SLC5A11: variants seen among roughly 807,000 people sequenced by gnomAD.
SLC5A11 encodes solute carrier family 5 member 11.
SLC5A11 carries 48 observed loss-of-function variants against 69.8 expected under a neutral mutation model. The ratio of observed to expected loss-of-function variants is 0.69; its 90% CI spans 0.55 to 0.87. The LOEUF is 0.87. Ranked by LOEUF, SLC5A11 falls within the 40% of genes least tolerant of loss-of-function variation. SLC5A11 has a pLI of 0.00. For synonymous variants in SLC5A11, 319 were observed against 342.4 expected (o/e 0.93, Z 0.75); for missense variants, 784 against 866.1 (o/e 0.91, Z 1.19).
intron 3 of SLC5A11, among the ~76,000 whole-genome samples, chr16:24,869,162 C>A (rs149986631): frequency 5.1e-4 from 78 of 152,150 alleles, no homozygotes; most frequent in Non-Finnish European, 1.0e-3. Context: ...GCCAGAGCGC[C>A]CGGCTGGACC....
intron 8 of SLC5A11, 56 bp downstream of exon 9, chr16:24,884,187 A>C: frequency 3.9e-6 from 6 of 1,539,010 alleles, no homozygotes; most frequent in South Asian, 1.1e-5. Flanking sequence ...TCCAGCAGGG[A>C]TATCTGCTCT....
intron 3 of SLC5A11, among the ~76,000 whole-genome samples, chr16:24,869,192 A>G (rs2047117902): frequency 6.6e-6 from 1 of 151,904 alleles, no homozygotes; most frequent in Non-Finnish European, 1.5e-5. Flanking sequence ...TGCAGGTCTC[A>G]TTCTCCCCTG....
chr16:24,893,280 T>C (rs2048937460), intron 9 of SLC5A11, among the ~76,000 whole-genome samples: 1 of 138,746 alleles, frequency 7.2e-6, no homozygotes, highest in South Asian at 2.5e-4. Context: ...AAAGTGAGAC[T>C]CCATCTCAAA....
intron 5 of SLC5A11, among the ~76,000 whole-genome samples, chr16:24,872,812 C>T (rs1049920956): frequency 2.0e-5 from 3 of 150,364 alleles, no homozygotes; most frequent in Non-Finnish European, 4.4e-5. Flanking sequence ...CAGGCATAAG[C>T]CACCATGCCC....
At chr16:24,903,691 A>C (rs531123036) in intron 10 of SLC5A11, among the ~76,000 whole-genome samples, 2 of 152,266 alleles carry the variant, frequency 1.3e-5, no homozygotes, top group African/African-American at 2.4e-5. Flanking sequence ...AAAGAATTTC[A>C]TTCTTTTTTA....
intron 3 of SLC5A11, among the ~76,000 whole-genome samples, chr16:24,868,434 C>CAA (rs527506260): frequency 1.2e-3 from 157 of 128,830 alleles, no homozygotes; most frequent in East Asian, 0.01. Context: ...ACTAAAAATA[C>CAA]AAAAAAAAAA....
intron 9 of SLC5A11, among the ~76,000 whole-genome samples, chr16:24,891,939 A>G (rs1371359953): frequency 6.6e-6 from 1 of 151,370 alleles, no homozygotes; most frequent in South Asian, 2.1e-4. Context: ...GTGGGAGTGC[A>G]ATTTAAAATG....
Position 24,896,496 on chromosome 16 carries a change from T to TA in SLC5A11, c.871-1468dup, listed in dbSNP as rs112044430. On this transcript the variant is annotated intron_variant, in intron 9 of 15. Transcript: ENST00000347898. Reference sequence around the variant, plus strand: ...GGCAACAGAGTGAGACCCCATCTCTTAAAAAAAAAAGGCATTTTAAAAAAT... The same window carrying TA: ...GGCAACAGAGTGAGACCCCATCTCTTAAAAAAAAAAAGGCATTTTAAAAAAT... Among the ~76,000 whole-genome samples the TA allele has an allele frequency of 8.5e-3, 1,254 of 148,136 alleles. 12 individuals carry two copies. The highest frequency in any genetic ancestry group is 0.029 in the African/African-American group (1,160 of 40,548).
rs748593920 is a variant in SLC5A11, at chr16:24,911,420, GC to G, written c.1916del (p.Ala639GlufsTer5). ...GGGCAAGGAAGAGCTCCCGGCCAGA[GC>G]AGAAGCCATCATAGTTTCCCTGGAA... On this transcript the variant is annotated frameshift_variant, in exon 16 of 16. Coordinates refer to ENST00000347898, the Ensembl canonical transcript of SLC5A11. LOFTEE classifies it low-confidence loss of function (END_TRUNC). 6.2e-7 allele frequency: 1 copy of G among 1,614,086 alleles called. No individual in the cohort carries two copies. The highest frequency in any genetic ancestry group is 8.5e-7 in the Non-Finnish European group (1 of 1,180,032).
At position 24,851,523 on chromosome 16, in the gene SLC5A11, G is replaced by A. The variant is rs2152207163; in HGVS notation, c.-25+5085G>A. Among the ~76,000 whole-genome samples the A allele has an allele frequency of 1.3e-5, 2 of 151,892 alleles. 1 individual carries two copies. The highest frequency in any genetic ancestry group is 4.2e-4 in the South Asian group (2 of 4,804). On this transcript the variant is annotated intron_variant, in intron 1 of 15. Coordinates refer to ENST00000347898, the Ensembl canonical transcript of SLC5A11. ...TTGCACCACTGCACTACAGTCTGGGGGACAGAGTGAGACTTCATCTCAAAA... is the reference window on the plus strand; with the variant it reads ...TTGCACCACTGCACTACAGTCTGGGAGACAGAGTGAGACTTCATCTCAAAA...
chr16:24,875,305 C>G (rs2047596410), intron 5 of SLC5A11, among the ~76,000 whole-genome samples: 1 of 152,154 alleles, frequency 6.6e-6, no homozygotes, highest in Non-Finnish European at 1.5e-5. Flanking sequence ...CCACCTCAGC[C>G]ACCTGAGTAG....
At chr16:24,910,856 G>C (rs2050463986) in intron 15 of SLC5A11, among the ~76,000 whole-genome samples, 1 of 152,072 alleles carries the variant, frequency 6.6e-6, no homozygotes, top group African/African-American at 2.4e-5. Flanking sequence ...TCAACAAAAT[G>C]TGAGTTAACA....
intron 4 of SLC5A11, among the ~76,000 whole-genome samples, chr16:24,870,811 G>A (rs1415278307): frequency 1.3e-5 from 2 of 149,534 alleles, no homozygotes; most frequent in Admixed American, 6.7e-5. Context: ...AAAAGGGTGT[G>A]TGAAGAAGAG....
intron 8 of SLC5A11, among the ~76,000 whole-genome samples, chr16:24,884,983 T>G (rs2048305742): frequency 6.6e-6 from 1 of 152,102 alleles, no homozygotes; most frequent in Admixed American, 6.6e-5. Flanking sequence ...GCTCAAGCAA[T>G]CACCTGCCTC....
At chr16:24,875,542 G>A in intron 5 of SLC5A11, 85 bp from the exon 7 acceptor site, 1 of 1,041,478 alleles carries the variant, frequency 9.6e-7, no homozygotes, top group Middle Eastern at 2.5e-4. Context: ...TGCGGGGGCA[G>A]GAGCAGATGG....
intron 8 of SLC5A11, among the ~76,000 whole-genome samples, chr16:24,888,806 T>G (rs2048573445): frequency 7.9e-6 from 1 of 126,048 alleles, no homozygotes; most frequent in Non-Finnish European, 1.6e-5. Flanking sequence ...TTTTTTTTTT[T>G]TTTTTTCTGA....
At chr16:24,858,845 T>C in intron 2 of SLC5A11, 67 bp downstream of exon 3, 1 of 1,530,088 alleles carries the variant, frequency 6.5e-7, no homozygotes, top group Non-Finnish European at 8.8e-7. Flanking sequence ...GGTCCGGAGT[T>C]AACCTCATCC....
At chr16:24,866,284 C>G (rs2046909335) in intron 3 of SLC5A11, among the ~76,000 whole-genome samples, 1 of 150,800 alleles carries the variant, frequency 6.6e-6, no homozygotes, top group Non-Finnish European at 1.5e-5. Flanking sequence ...ATGTTGTCTA[C>G]AAGAGATATA....
chr16:24,864,887 A>G (rs928151744), intron 3 of SLC5A11, among the ~76,000 whole-genome samples: 19 of 152,168 alleles, frequency 1.2e-4, no homozygotes, highest in Admixed American at 1.2e-3. Context: ...GGGTTCAACA[A>G]CAGATTTGAG....
Sources: allele counts gnomAD v4.1 joint callset (sites outside exome capture counted in the v4.1 genomes callset), GRCh38; gene constraint gnomAD v4.1.1; transcripts MANE v1.5; gene names NCBI Gene and HGNC (gene_info 2026-07-23, HGNC 2026-07-21).